Variants in GALNT13 observed in about 807,000 individuals in gnomAD.
The protein encoded by GALNT13 is UDP-GalNAc:polypeptide N-acetylgalactosaminyltransferase 13.
A neutral mutation model predicts 64.2 loss-of-function variants in GALNT13; 28 were observed. The ratio of observed to expected loss-of-function variants is 0.44; its 90% CI spans 0.32 to 0.60. The LOEUF is 0.60. GALNT13 is among the 20% of genes least tolerant of loss of function. The pLI is 0.05. For synonymous variants in GALNT13, 214 were observed against 224.6 expected (o/e 0.95, Z 0.42); for missense variants, 577 against 669.8 (o/e 0.86, Z 1.53).
the GALNT13 span, among the ~76,000 whole-genome samples, chr2:153,208,828 T>A: frequency 6.6e-6 from 1 of 152,134 alleles, no homozygotes; most frequent in African/African-American, 2.4e-5. Context: ...ATCAGTCTTT[T>A]CAATTTTAGT....
At chr2:153,863,008 C>T in the GALNT13 span, among the ~76,000 whole-genome samples, 1 of 152,082 alleles carries the variant, frequency 6.6e-6, no homozygotes, top group Non-Finnish European at 1.5e-5. Context: ...CTCTTCACAT[C>T]AATTTGGCCA....
At chr2:153,925,227 G>A (rs890461555) in intron 2 of GALNT13, among the ~76,000 whole-genome samples, 1 of 152,024 alleles carries the variant, frequency 6.6e-6, no homozygotes, top group African/African-American at 2.4e-5. Flanking sequence ...GTTGATTTTT[G>A]TATATGGTAT....
chr2:153,566,205 C>T, the GALNT13 span, among the ~76,000 whole-genome samples: 1 of 152,032 alleles, frequency 6.6e-6, no homozygotes, highest in African/African-American at 2.4e-5. Context: ...TTCTGGAGCT[C>T]TTATGATATG....
chr2:154,117,095 T>G (rs1017661247), intron 3 of GALNT13, among the ~76,000 whole-genome samples: 7 of 152,076 alleles, frequency 4.6e-5, no homozygotes, highest in Non-Finnish European at 8.8e-5. Context: ...GTTTATTCTT[T>G]TCACATTTTT....
At chr2:153,924,290 T>A (rs1689960997) in intron 2 of GALNT13, among the ~76,000 whole-genome samples, 1 of 145,256 alleles carries the variant, frequency 6.9e-6, no homozygotes, top group Admixed American at 6.9e-5. Flanking sequence ...CAGCTTCCAC[T>A]TATAAATGAG....
At chr2:154,097,710 G>C (rs1346966609) in intron 3 of GALNT13, among the ~76,000 whole-genome samples, 6 of 151,712 alleles carry the variant, frequency 4.0e-5, no homozygotes, top group Non-Finnish European at 7.4e-5. Flanking sequence ...ATACATATTA[G>C]GAATTTAACA....
chr2:153,565,972 CAT>C, the GALNT13 span, among the ~76,000 whole-genome samples: 4 of 152,000 alleles, frequency 2.6e-5, no homozygotes, highest in African/African-American at 7.2e-5. Context: ...AATACAATCT[CAT>C]GTGTTCTACT....
chr2:153,517,738 T>A, the GALNT13 span, among the ~76,000 whole-genome samples: 1 of 152,146 alleles, frequency 6.6e-6, no homozygotes, highest in Non-Finnish European at 1.5e-5. Context: ...TAGGCAGACA[T>A]CATAGTAACA....
chr2:154,376,206 C>T (rs1697984069), intron 9 of GALNT13, among the ~76,000 whole-genome samples: 1 of 152,064 alleles, frequency 6.6e-6, no homozygotes, highest in Admixed American at 6.6e-5. Flanking sequence ...TTTCAGTCAC[C>T]TCACTTTTTT....
chr2:153,444,478 G>A, the GALNT13 span, among the ~76,000 whole-genome samples: 1 of 152,168 alleles, frequency 6.6e-6, no homozygotes, highest in East Asian at 1.9e-4. Flanking sequence ...TAGCAGAAAA[G>A]CATTATCTTT....
chr2:153,094,349 CAAGGAGAACTACA>C, the GALNT13 span, among the ~76,000 whole-genome samples: 2 of 152,114 alleles, frequency 1.3e-5, no homozygotes, highest in African/African-American at 4.8e-5. Context: ...AAGACCTCTT[CAAGGAGAACTACA>C]AACCACTGCT....
At chr2:154,161,154 T>C (rs1261635012) in intron 4 of GALNT13, among the ~76,000 whole-genome samples, 1 of 152,160 alleles carries the variant, frequency 6.6e-6, no homozygotes, top group Non-Finnish European at 1.5e-5. Flanking sequence ...CACTGAAATA[T>C]GCATGCGATA....
Position 153,883,446 on chromosome 2 carries a change from G to A in GALNT13, c.-177+11143G>A, listed in dbSNP as rs115335187. Among the ~76,000 whole-genome samples, 826 of 152,104 alleles carry A rather than the reference G, an allele frequency of 5.4e-3. 5 individuals carry two copies. The highest frequency in any genetic ancestry group is 0.018 in the African/African-American group (752 of 41,534). ...ATACCATACCCAGTCAAAATATCCCGTGTCAGGGTAGAATTAAGACATTTT... is the reference window on the plus strand; with the variant it reads ...ATACCATACCCAGTCAAAATATCCCATGTCAGGGTAGAATTAAGACATTTT... On this transcript the variant is annotated intron_variant, in intron 1 of 12. Transcript: ENST00000392825.
the GALNT13 span, among the ~76,000 whole-genome samples, chr2:153,694,074 C>G: frequency 2.0e-5 from 3 of 152,274 alleles, no homozygotes; most frequent in East Asian, 1.9e-4. Context: ...TGCCACTGCA[C>G]TCCAGCCTGG....
intron 3 of GALNT13, among the ~76,000 whole-genome samples, chr2:153,992,755 T>A (rs1453579562): frequency 4.6e-5 from 7 of 152,124 alleles, no homozygotes; most frequent in Admixed American, 4.6e-4. Flanking sequence ...TAAAAAAAAA[T>A]TTAGAAAATA....
rs146806864 is a variant in GALNT13, at chr2:154,206,366, T to G, written c.312-35664T>G. 1.3e-3 allele frequency among the ~76,000 whole-genome samples: 191 copies of G among 152,040 alleles called. 2 individuals are homozygous for G. The East Asian group carries it at 0.029, about 23-fold the overall frequency. ...AATCATATATATATAGAGAGAGAGA[T>G]ATATCTAGAGAGAAAGAGACAAATA... On this transcript the variant is annotated intron_variant, in intron 4 of 12. Coordinates refer to ENST00000392825, the MANE Select transcript of GALNT13 (RefSeq NM_052917.4).
the GALNT13 span, among the ~76,000 whole-genome samples, chr2:153,699,768 A>T: frequency 6.6e-6 from 1 of 152,160 alleles, no homozygotes; most frequent in African/African-American, 2.4e-5. Context: ...CTGGACACAC[A>T]CAACCTCCCA....
the GALNT13 span, among the ~76,000 whole-genome samples, chr2:153,080,108 A>G: frequency 1.2e-3 from 175 of 152,062 alleles, 1 homozygote; most frequent in African/African-American, 4.0e-3. Context: ...TAATTTGTCT[A>G]TTTTGACTTC....
At chr2:154,443,431 A>G (rs953546749) in intron 12 of GALNT13, among the ~76,000 whole-genome samples, 1 of 152,062 alleles carries the variant, frequency 6.6e-6, no homozygotes, top group Non-Finnish European at 1.5e-5. Context: ...AACTCCTATT[A>G]TCTTTGCTAT....
Sources: allele counts gnomAD v4.1 joint callset (sites outside exome capture counted in the v4.1 genomes callset), GRCh38; gene constraint gnomAD v4.1.1; transcripts MANE v1.5; gene names NCBI Gene and HGNC (gene_info 2026-07-23, HGNC 2026-07-21).